The following KIF18B variants were observed in gnomAD, a reference collection of about 807,000 sequenced individuals.
KIF18B encodes the protein kinesin-like protein KIF18B.
KIF18B carries 49 observed loss-of-function variants against 80.9 expected under a neutral mutation model. That is an observed-to-expected ratio of 0.61 (90% CI 0.48 to 0.77). KIF18B has a LOEUF of 0.77. Ranked by LOEUF, KIF18B falls within the 30% of genes least tolerant of loss-of-function variation. The pLI, the probability that KIF18B is intolerant of heterozygous loss-of-function variation, is 0.00. For missense variants in KIF18B, 994 were observed against 1,127.7 expected, an observed-to-expected ratio of 0.88 and a Z score of 1.70; for synonymous variants, 439 against 463.9, an observed-to-expected ratio of 0.95 and a Z score of 0.69.
chr17:44,944,893 T>C (rs962127090), intron 1 of KIF18B, among the ~76,000 whole-genome samples: 1 of 152,242 alleles, frequency 6.6e-6, no homozygotes, highest in African/African-American at 2.4e-5. Flanking sequence ...TTAATCTCTG[T>C]AACTGAAGTA....
chr17:44,932,042 C>T lies in KIF18B; in HGVS notation c.1389+14G>A. Reference sequence around the variant, plus strand: ...GCCCTCCCGATACCCAGGCCTCACACCCCCAAGTCCTACCTCCTCAGCTGG... The same window carrying T: ...GCCCTCCCGATACCCAGGCCTCACATCCCCAAGTCCTACCTCCTCAGCTGG... On this transcript the variant is annotated intron_variant, in intron 10 of 15. Coordinates refer to ENST00000593135, the MANE Select transcript of KIF18B (RefSeq NM_001265577.2). The T allele has an allele frequency of 6.2e-7, 1 of 1,601,000 alleles. No homozygotes were observed. Among genetic ancestry groups the T allele is most frequent in the East Asian group, 2.2e-5 (1 of 44,612 alleles).
Position 44,936,015 on chromosome 17 carries a change from A to G in KIF18B, c.313+17T>C. 1 of 1,611,520 alleles carries G rather than the reference A, an allele frequency of 6.2e-7. No homozygotes were observed. Among genetic ancestry groups the G allele is most frequent in the Non-Finnish European group, 8.5e-7 (1 of 1,178,322 alleles). On this transcript the variant is annotated intron_variant, in intron 2 of 15. Transcript: ENST00000593135. ...CAGGGAGGCCAGGCCACTGCCAGGC[A>G]GGGCTGAGGTTCTCACCTGAGCAGT...
Position 44,927,005 on chromosome 17 carries a change from T to C in KIF18B, c.2350A>G (p.Lys784Glu). ...SSLPGTSACKKKRVASSSVSH... is the reference protein window; with the variant it reads ...SSLPGTSACKEKRVASSSVSH... ...AAACCTCACCTCGCAACGCGCTTCT[T>C]CTTGCAGGCAGAGGTCCCAGGGAGG... Residue 784 changes from lysine (K) to glutamate (E), a missense_variant, in exon 14 of 16, where the codon AAG becomes GAG. Lys to Glu is a moderately conservative substitution (Grantham distance 56, BLOSUM62 1). Coordinates refer to ENST00000593135, the MANE Select transcript of KIF18B (RefSeq NM_001265577.2). The surrounding 1 kb of genome is among the most constrained non-coding windows in gnomAD (Gnocchi z 4.1). 1.2e-6 allele frequency: 2 copies of C among 1,611,812 alleles called. No homozygotes were observed. Among genetic ancestry groups the C allele is most frequent in the Non-Finnish European group, 1.7e-6 (2 of 1,179,094 alleles).
Position 44,936,375 on chromosome 17 carries a change from G to A in KIF18B, c.-14-17C>T, listed in dbSNP as rs1314000758. 10 of 1,572,912 alleles carry A rather than the reference G, an allele frequency of 6.4e-6. No homozygotes were observed. Among genetic ancestry groups the A allele is most frequent in the Non-Finnish European group, 8.6e-6 (10 of 1,161,032 alleles). On this transcript the variant is annotated splice_polypyrimidine_tract_variant and intron_variant, in intron 1 of 15. Transcript: ENST00000593135. ...TGGTGACACCTGGGTGAGACATGGT[G>A]GAGCTGAGGACCAATCCCACCCCAG...
chr17:44,929,159 C>A, intron 11 of KIF18B, 135 bp from the exon 12 acceptor site: 1 of 748,884 alleles, frequency 1.3e-6, no homozygotes, highest in South Asian at 1.7e-5. Context: ...CCTCCTGCCT[C>A]ACCCCAGACA....
intron 7 of KIF18B, 107 bp from the exon 8 acceptor site, chr17:44,933,093 C>G: frequency 1.0e-6 from 1 of 963,556 alleles, no homozygotes; most frequent in South Asian, 1.6e-5. Context: ...GTCCCCATGA[C>G]CCACCCTCGC....
rs909496181 is a variant in KIF18B at position 44,933,004 on chromosome 17, A to G, written c.1063-18T>C. On this transcript the variant is annotated intron_variant, in intron 7 of 15. Coordinates refer to ENST00000593135, the MANE Select transcript of KIF18B (RefSeq NM_001265577.2). ...CTCTTCAGCTGAGATGGGGAACAGG[A>G]GAGAGATTTATTTGTTCATTCAAAG... is the stretch of plus-strand genomic sequence containing the variant. 3.1e-6 allele frequency: 5 copies of G among 1,597,438 alleles called. No homozygotes were observed. Among genetic ancestry groups the G allele is most frequent in the African/African-American group, 1.3e-5 (1 of 74,576 alleles).
At chr17:44,931,570 T>C in intron 11 of KIF18B, 32 bp downstream of exon 11, 1 of 1,613,812 alleles carries the variant, frequency 6.2e-7, no homozygotes, top group Non-Finnish European at 8.5e-7. Context: ...GCTTCCCACC[T>C]TGATTCCAGA....
At chr17:44,936,907 G>A (rs2052323633) in intron 1 of KIF18B, among the ~76,000 whole-genome samples, 1 of 151,276 alleles carries the variant, frequency 6.6e-6, no homozygotes, top group Non-Finnish European at 1.5e-5. Context: ...CTCCCAAAGT[G>A]TTGGGATTAC....
chr17:44,940,019 G>A (rs961222863), intron 1 of KIF18B, among the ~76,000 whole-genome samples: 8 of 152,186 alleles, frequency 5.3e-5, no homozygotes, highest in Non-Finnish European at 8.8e-5. Context: ...GACCTCAAGC[G>A]ATCCACCCGC....
Position 44,928,529 on chromosome 17 carries a change from A to T in KIF18B, c.1773T>A (p.Pro591=), listed in dbSNP as rs2052080397. The T allele has an allele frequency of 2.7e-6, 4 of 1,473,362 alleles. No individual in the cohort carries two copies. Among genetic ancestry groups the T allele is most frequent in the Non-Finnish European group, 3.6e-6 (4 of 1,118,142 alleles). 91.3% of individuals were successfully genotyped at this position (1,473,362 alleles called of 1,614,324 possible). A position where few individuals can be genotyped will look rare whatever the true frequency, so the allele number is the denominator to read the frequency against. ...GTCGCCTCGCCATAGTCCGGGTCACAGGGCCAGTGTATCCTGGAGGCTCTG... is the reference window on the plus strand; with the variant it reads ...GTCGCCTCGCCATAGTCCGGGTCACTGGGCCAGTGTATCCTGGAGGCTCTG... The part of the protein sequence containing the change: ...LCPEPPGYTG[P]VTRTMARRLS... Residue 591 remains proline (P), a synonymous_variant, in exon 13 of 16, where the codon CCT becomes CCA. Coordinates refer to ENST00000593135, the MANE Select transcript of KIF18B (RefSeq NM_001265577.2).
At chr17:44,926,286 C>T in intron 15 of KIF18B, 100 bp from the exon 16 acceptor site, 5 of 1,580,566 alleles carry the variant, frequency 3.2e-6, no homozygotes, top group South Asian at 1.1e-5. Context: ...TCATCAGCAG[C>T]ATCCCTGAGA....
At chr17:44,936,555 ACT>A (rs59137224) in intron 1 of KIF18B, among the ~76,000 whole-genome samples, 197 bp from the exon 2 acceptor site, 2,513 of 37,034 alleles carry the variant, frequency 0.068, 223 homozygotes, top group African/African-American at 0.1. Flanking sequence ...TACTCAAATG[ACT>A]CTCTCTCTCT....
intron 2 of KIF18B, 38 bp downstream of exon 2, chr17:44,935,994 G>A: frequency 6.3e-7 from 1 of 1,577,946 alleles, no homozygotes; most frequent in Non-Finnish European, 8.7e-7. Flanking sequence ...AGGAGGCAGG[G>A]AGGCCAGGCC....
intron 1 of KIF18B, among the ~76,000 whole-genome samples, chr17:44,936,559 T>A (rs9635717): frequency 0.37 from 12,158 of 33,050 alleles, 1,134 homozygotes; most frequent in African/African-American, 0.45. Flanking sequence ...CAAATGACTC[T>A]CTCTCTCTCT....
intron 14 of KIF18B, 49 bp downstream of exon 14, chr17:44,926,940 G>A: frequency 6.6e-7 from 1 of 1,509,154 alleles, no homozygotes; most frequent in South Asian, 1.2e-5. Context: ...TACTGCCCTG[G>A]TGAGAGCGAG....
Position 44,932,142 on chromosome 17 carries a change from C to A in KIF18B, c.1303G>T (p.Glu435Ter). The A allele has an allele frequency of 6.2e-7, 1 of 1,613,844 alleles. No homozygotes were observed. Residue 435 changes from glutamate to a stop codon, truncating the protein, a stop_gained, in exon 10 of 16, where the codon GAG (glutamate) becomes TAG (stop). Coordinates refer to ENST00000593135, the MANE Select transcript of KIF18B (RefSeq NM_001265577.2). LOFTEE classifies it high-confidence loss of function. ...RALQEESLGM[E>*]AQVERAMEGN... is the part of the protein sequence containing the mutation. Reference sequence around the variant, plus strand: ...TCCATGGCCCTCTCCACCTGGGCCTCCATCCCCAGACTCTCCTCTTGAAGG... The same window carrying A: ...TCCATGGCCCTCTCCACCTGGGCCTACATCCCCAGACTCTCCTCTTGAAGG...
chr17:44,936,681 C>T (rs1472583306), intron 1 of KIF18B, among the ~76,000 whole-genome samples: 1 of 121,416 alleles, frequency 8.2e-6, no homozygotes, highest in African/African-American at 3.2e-5. Flanking sequence ...GCTCTGTCGC[C>T]CAGGCTAGAG....
intron 10 of KIF18B, 120 bp from the exon 11 acceptor site, chr17:44,931,849 G>C: frequency 7.3e-7 from 1 of 1,363,720 alleles, no homozygotes; most frequent in Non-Finnish European, 1.0e-6. Context: ...GAATGACCAG[G>C]TCCTGGTCAC....
Sources: gnomAD v4.1 joint callset for allele counts (sites outside exome capture counted in the v4.1 genomes callset) on GRCh38, gnomAD v4.1.1 for gene constraint, Gnocchi (gnomAD v3.1) non-coding constraint, MANE v1.5 for transcripts, NCBI Gene and HGNC (gene_info 2026-07-23, HGNC 2026-07-21) for gene names.